Variants in TNIK observed in about 807,000 individuals in gnomAD.
The protein encoded by TNIK is TRAF2 and NCK interacting kinase, also known as TRAF2 and NCK-interacting protein kinase.
Under a neutral mutation model 191.3 loss-of-function variants are expected in TNIK, and 49 were observed. That is an observed-to-expected ratio of 0.26 (90% confidence interval 0.20 to 0.32). The LOEUF (loss-of-function observed/expected upper bound fraction) is 0.32, where lower values mean the gene tolerates loss of function less well. TNIK is among the 10% of genes least tolerant of loss of function. TNIK has a pLI of 1.00. For synonymous variants in TNIK, 594 were observed against 600.9 expected (o/e 0.99, Z 0.17); for missense variants, 1,155 against 1,702.3 (o/e 0.68, Z 5.66).
chr3:171,167,416 A>T, intron 9 of TNIK, 146 bp from the exon 10 acceptor site: 1 of 991,724 alleles, frequency 1.0e-6, no homozygotes, highest in Non-Finnish European at 1.4e-6. Flanking sequence ...AAACAGTTGT[A>T]GCACTATATT....
intron 18 of TNIK, among the ~76,000 whole-genome samples, chr3:171,117,928 C>T (rs1054973277): frequency 6.6e-6 from 1 of 152,080 alleles, no homozygotes; most frequent in African/African-American, 2.4e-5. Context: ...CACGATCGCG[C>T]CACTGCACTC....
At chr3:171,188,262 A>G (rs1737616914) in intron 7 of TNIK, among the ~76,000 whole-genome samples, 1 of 152,196 alleles carries the variant, frequency 6.6e-6, no homozygotes, top group Non-Finnish European at 1.5e-5. Flanking sequence ...GAAACCCCAG[A>G]TAATTATACT....
intron 2 of TNIK, among the ~76,000 whole-genome samples, chr3:171,351,267 A>ATGTG (rs1161906508): frequency 2.2e-5 from 1 of 45,886 alleles, no homozygotes; most frequent in African/African-American, 5.5e-5. Flanking sequence ...ATATATATGT[A>ATGTG]TATATGTGTG....
At chr3:171,330,201 C>T (rs188359618) in intron 2 of TNIK, among the ~76,000 whole-genome samples, 1,554 of 152,218 alleles carry the variant, frequency 0.01, 8 homozygotes, top group South Asian at 0.018. Context: ...CTGGGAAATG[C>T]GCTTATTAGA....
At chr3:171,236,089 C>T (rs1744230891) in intron 2 of TNIK, among the ~76,000 whole-genome samples, 1 of 152,152 alleles carries the variant, frequency 6.6e-6, no homozygotes, top group African/African-American at 2.4e-5. Flanking sequence ...AGGAACTCCA[C>T]CTTAAACCTG....
chr3:171,327,908 A>AAAG (rs1473063170), intron 2 of TNIK, among the ~76,000 whole-genome samples: 2 of 58,722 alleles, frequency 3.4e-5, no homozygotes, highest in Non-Finnish European at 6.7e-5. Context: ...CATAAAAAAA[A>AAAG]AAAAAAAAAA....
intron 4 of TNIK, among the ~76,000 whole-genome samples, chr3:171,206,449 C>T (rs370243243): frequency 2.0e-5 from 3 of 151,466 alleles, no homozygotes; most frequent in African/African-American, 7.3e-5. Flanking sequence ...ATGAGAAGAG[C>T]AATTGGCCAG....
intron 2 of TNIK, among the ~76,000 whole-genome samples, chr3:171,323,271 C>T (rs1755369587): frequency 6.6e-6 from 1 of 152,146 alleles, no homozygotes; most frequent in African/African-American, 2.4e-5. Flanking sequence ...CATGTTGACA[C>T]TCAGTGGGTA....
intron 9 of TNIK, among the ~76,000 whole-genome samples, chr3:171,173,457 A>C (rs937147749): frequency 6.6e-6 from 1 of 151,954 alleles, no homozygotes; most frequent in African/African-American, 2.4e-5. Flanking sequence ...ACCAACTGAC[A>C]CCAGCTTCTG....
At chr3:171,334,438 G>A (rs142998744) in intron 2 of TNIK, among the ~76,000 whole-genome samples, 41 of 152,226 alleles carry the variant, frequency 2.7e-4, no homozygotes, top group African/African-American at 8.9e-4. Context: ...AGCATCTTCC[G>A]GGAGGACTGG....
At chr3:171,212,331 G>A (rs930181206) in intron 3 of TNIK, among the ~76,000 whole-genome samples, 28 of 151,948 alleles carry the variant, frequency 1.8e-4, no homozygotes, top group African/African-American at 2.9e-4. Context: ...ATTCACCAGG[G>A]ATCTCTTCCT....
chr3:171,411,273 G>T (rs547479019), intron 1 of TNIK, among the ~76,000 whole-genome samples: 1 of 152,062 alleles, frequency 6.6e-6, no homozygotes, highest in East Asian at 1.9e-4. Flanking sequence ...ATAAGGTCTT[G>T]CTCTGTTGAC....
chr3:171,418,863 A>G (rs1450412053), intron 1 of TNIK, among the ~76,000 whole-genome samples: 1 of 152,184 alleles, frequency 6.6e-6, no homozygotes, highest in Non-Finnish European at 1.5e-5. Context: ...GGTGGCTTAA[A>G]CTACAGAACT....
chr3:171,327,781 G>A lies in TNIK; in HGVS notation c.123+41839C>T, dbSNP rs148998426. Reference sequence around the variant, plus strand: ...CTAATATAGCTGCATAAAGGAAGGTGTAACGGGTGCCCCTTCATCATCTTA... The same window carrying A: ...CTAATATAGCTGCATAAAGGAAGGTATAACGGGTGCCCCTTCATCATCTTA... On this transcript the variant is annotated intron_variant, in intron 2 of 32. Coordinates refer to ENST00000436636, the MANE Select transcript of TNIK (RefSeq NM_015028.4). Among the ~76,000 whole-genome samples the A allele has an allele frequency of 2.1e-4, 32 of 151,968 alleles. No individual in the cohort carries two copies. The East Asian group carries it at 4.5e-3, about 21-fold the overall frequency.
At chr3:171,196,514 G>A (rs1738690025) in intron 4 of TNIK, among the ~76,000 whole-genome samples, 1 of 151,942 alleles carries the variant, frequency 6.6e-6, no homozygotes, top group Non-Finnish European at 1.5e-5. Flanking sequence ...AACATCATGA[G>A]GATACAATCA....
chr3:171,243,459 A>G (rs560149644), intron 2 of TNIK, among the ~76,000 whole-genome samples: 1 of 152,050 alleles, frequency 6.6e-6, no homozygotes, highest in African/African-American at 2.4e-5. Flanking sequence ...TATCCAACTC[A>G]CAAGCCACAT....
At chr3:171,178,301 G>C (rs1459482135) in intron 7 of TNIK, among the ~76,000 whole-genome samples, 2 of 152,174 alleles carry the variant, frequency 1.3e-5, no homozygotes, top group African/African-American at 4.8e-5. Flanking sequence ...GATGAGGACA[G>C]GGAGACTTTT....
intron 2 of TNIK, among the ~76,000 whole-genome samples, chr3:171,329,095 C>T (rs1756124159): frequency 6.6e-6 from 1 of 152,152 alleles, no homozygotes; most frequent in Non-Finnish European, 1.5e-5. Context: ...TATATACACA[C>T]ACACACATAC....
intron 2 of TNIK, among the ~76,000 whole-genome samples, chr3:171,356,886 TTA>T (rs1269055510): frequency 6.6e-6 from 1 of 152,194 alleles, no homozygotes; most frequent in African/African-American, 2.4e-5. Flanking sequence ...GTTTTATGTT[TTA>T]TGATTGATAT....
Sources: allele counts gnomAD v4.1 joint callset (sites outside exome capture counted in the v4.1 genomes callset), GRCh38; gene constraint gnomAD v4.1.1; transcripts MANE v1.5; gene names NCBI Gene and HGNC (gene_info 2026-07-23, HGNC 2026-07-21).